Variants in FAM234B observed in about 807,000 individuals in gnomAD.
The protein encoded by FAM234B is protein FAM234B.
In FAM234B, 33 loss-of-function variants were observed where a neutral mutation model predicts 69.3. That is an observed-to-expected ratio of 0.48 (90% CI 0.36 to 0.64). The LOEUF is 0.64. Ranked by LOEUF, FAM234B falls within the 30% of genes least tolerant of loss-of-function variation. FAM234B has a pLI of 0.00. For synonymous variants in FAM234B, 306 were observed against 306.9 expected (o/e 1.00, Z 0.03); for missense variants, 697 against 769.7 (o/e 0.91, Z 1.12).
intron 1 of FAM234B, among the ~76,000 whole-genome samples, chr12:13,049,186 G>T (rs561840253): frequency 6.6e-6 from 1 of 152,178 alleles, no homozygotes; most frequent in Non-Finnish European, 1.5e-5. Flanking sequence ...ACTGAGATAA[G>T]AATTTTTTTT....
chr12:13,078,050 G>A (rs1171328041), intron 11 of FAM234B, among the ~76,000 whole-genome samples: 4 of 150,756 alleles, frequency 2.7e-5, no homozygotes, highest in Admixed American at 2.0e-4. Context: ...TGTGTTTTTT[G>A]GCTGCATAAA....
chr12:13,058,222 C>G (rs1394829910), intron 2 of FAM234B, among the ~76,000 whole-genome samples: 1 of 152,176 alleles, frequency 6.6e-6, no homozygotes, highest in African/African-American at 2.4e-5. Flanking sequence ...CTTGCAGTCC[C>G]TAGCTGGTCT....
Position 13,080,126 on chromosome 12 carries a change from A to G in FAM234B, c.1863+117A>G, listed in dbSNP as rs143236333. ...AACTTTCTTGAGTAGATGTGTATCA[A>G]GACAGTTGTTTTGGACCAACACTGT... is the stretch of plus-strand genomic sequence containing the variant. On this transcript the variant is annotated intron_variant, in intron 12 of 12. Transcript: ENST00000197268. 42 of 719,484 alleles carry G rather than the reference A, an allele frequency of 5.8e-5. No homozygotes were observed. The East Asian group carries it at 1.1e-3, about 19-fold the overall frequency. The allele number at this position is 719,484 out of a possible 1,614,324, so 44.6% of individuals were successfully genotyped here.
chr12:13,061,366 C>T (rs551866449), intron 3 of FAM234B, among the ~76,000 whole-genome samples: 1 of 152,188 alleles, frequency 6.6e-6, no homozygotes, highest in Non-Finnish European at 1.5e-5. Flanking sequence ...GAGGCCACAG[C>T]TCTTGTCTTA....
chr12:13,052,831 T>C (rs1171640838), intron 1 of FAM234B, among the ~76,000 whole-genome samples: 1 of 152,252 alleles, frequency 6.6e-6, no homozygotes, highest in African/African-American at 2.4e-5. Context: ...TTGTTTATCA[T>C]GTCAGGTGTA....
At chr12:13,045,702 T>C (rs1027309649) in intron 1 of FAM234B, among the ~76,000 whole-genome samples, 5 of 152,216 alleles carry the variant, frequency 3.3e-5, no homozygotes, top group Non-Finnish European at 5.9e-5. Flanking sequence ...TGCATAACAC[T>C]GGAATTAAAG....
At chr12:13,061,534 T>A (rs1864982157) in intron 3 of FAM234B, 41 bp from the exon 4 acceptor site, 1 of 1,555,782 alleles carries the variant, frequency 6.4e-7, no homozygotes. Flanking sequence ...CTTATCTCCT[T>A]TGCCTGCTTT....
chr12:13,055,777 G>A lies in FAM234B; in HGVS notation c.264G>A (p.Gly88=). ...TTEGYPSEPL[G]GLEQKAASSL... ...AGGGCTACCCCTCAGAACCCCTTGG[G>A]GGCCTGGAACAGAAGGCGGCCTCCT... The change falls in exon 2 of 13, where the codon GGG becomes GGA. Residue 88 remains glycine, a synonymous_variant. Transcript: ENST00000197268. The A allele has an allele frequency of 6.2e-7, 1 of 1,614,184 alleles. No homozygotes were observed. The highest frequency in any genetic ancestry group is 2.2e-5 in the East Asian group (1 of 44,876).
chr12:13,058,411 A>G (rs767539675), intron 2 of FAM234B, 40 bp from the exon 3 acceptor site: 215 of 1,549,396 alleles, frequency 1.4e-4, no homozygotes, highest in Non-Finnish European at 1.7e-4. Flanking sequence ...GTTTGTGGTA[A>G]CTTGCTCAGG....
Position 13,080,743 on chromosome 12 carries a change from A to G in FAM234B, c.*113A>G, listed in dbSNP as rs1447158984. ...GAAGACTTCTTCGTCCTCATTTACC[A>G]CCTCCCTGATGGTTGCAAAGGCTTG... On this transcript the variant is annotated 3_prime_UTR_variant, in exon 13 of 13. Coordinates refer to ENST00000197268, the MANE Select transcript of FAM234B (RefSeq NM_020853.2). The G allele has an allele frequency of 6.8e-6, 6 of 885,396 alleles. No homozygotes were observed. The highest frequency in any genetic ancestry group is 3.4e-5 in the African/African-American group (2 of 58,830). The allele number at this position is 885,396 out of a possible 1,614,324, so 54.8% of individuals were successfully genotyped here.
chr12:13,074,548 G>T (rs1229345225), intron 10 of FAM234B, among the ~76,000 whole-genome samples: 1 of 152,188 alleles, frequency 6.6e-6, no homozygotes, highest in Non-Finnish European at 1.5e-5. Context: ...CATGGATTGA[G>T]GGTGATGATC....
intron 1 of FAM234B, among the ~76,000 whole-genome samples, chr12:13,046,314 A>G (rs1463623): frequency 0.73 from 110,152 of 151,686 alleles, 41,776 homozygotes; most frequent in Non-Finnish European, 0.86. Context: ...TACTATTTTT[A>G]GTTTTTGCAT....
chr12:13,056,800 C>T (rs1185105954), intron 2 of FAM234B, among the ~76,000 whole-genome samples: 1 of 152,166 alleles, frequency 6.6e-6, no homozygotes, highest in Admixed American at 6.5e-5. Context: ...TTGTGTGTCC[C>T]TCCTGACCAC....
chr12:13,055,625 GTGCTTAACC>G lies in FAM234B; in HGVS notation c.116_124del (p.Leu39_Leu41del). 6.2e-7 allele frequency: 1 copy of G among 1,614,202 alleles called. No homozygotes were observed. Among genetic ancestry groups the G allele is most frequent in the Non-Finnish European group, 8.5e-7 (1 of 1,180,024 alleles). ...CAGTGATGAGAGCGAAGACGATCTG[GTGCTTAACC>G]TGCAGAAGAATGGAGGGGTCAAAAA... On this transcript the variant is annotated inframe_deletion, in exon 2 of 13. Coordinates refer to ENST00000197268, the MANE Select transcript of FAM234B (RefSeq NM_020853.2).
Position 13,066,697 on chromosome 12 carries a change from G to A in FAM234B, c.910G>A (p.Val304Met). Residue 304 changes from valine (V) to methionine (M), a missense_variant, in exon 6 of 13, where the codon GTG (valine) becomes ATG (methionine). Around this residue, in one of 3 missense-constraint regions of FAM234B, gnomAD observed 380 missense variants for 447.1 expected, o/e 0.85. Coordinates refer to ENST00000197268, the MANE Select transcript of FAM234B (RefSeq NM_020853.2). Reference sequence around the variant, plus strand: ...GACCGGAAATCCAGTGGGTCGACCTGTGAAGTACAACATCGTTGGAGTTGG... The same window carrying A: ...GACCGGAAATCCAGTGGGTCGACCTATGAAGTACAACATCGTTGGAGTTGG... The part of the protein sequence containing the change: ...GRTGNPVGRP[V>M]KYNIVGVGNL... 1 of 1,614,078 alleles carries A rather than the reference G, an allele frequency of 6.2e-7. No individual in the cohort carries two copies. Among genetic ancestry groups the A allele is most frequent in the Non-Finnish European group, 8.5e-7 (1 of 1,179,976 alleles).
intron 2 of FAM234B, among the ~76,000 whole-genome samples, chr12:13,056,423 C>T (rs1213937778): frequency 6.6e-6 from 1 of 152,188 alleles, no homozygotes; most frequent in Non-Finnish European, 1.5e-5. Flanking sequence ...TCTTGCTCCT[C>T]ATGGTTAGGG....
chr12:13,068,357 A>C lies in FAM234B; in HGVS notation c.1196A>C (p.Asn399Thr). The C allele has an allele frequency of 6.2e-7, 1 of 1,614,172 alleles. No homozygotes were observed. The highest frequency in any genetic ancestry group is 8.5e-7 in the Non-Finnish European group (1 of 1,180,014). ...AAGGCACCAGATTCCAACTGCAGCA[A>C]CCTTCTGATTACAACCAGACAAAGC... Reference protein sequence around the residue: ...MVKAPDSNCSNLLITTRQSLV... With the variant: ...MVKAPDSNCSTLLITTRQSLV... The change falls in exon 8 of 13, where the codon AAC (asparagine) becomes ACC (threonine). Residue 399 changes from asparagine to threonine, a missense_variant. Asn to Thr is a moderately conservative substitution (Grantham distance 65). Transcript: ENST00000197268.
At chr12:13,069,569 C>T (rs1052998311) in intron 9 of FAM234B, among the ~76,000 whole-genome samples, 2 of 152,084 alleles carry the variant, frequency 1.3e-5, no homozygotes, top group Admixed American at 6.5e-5. Context: ...CACAGGGGTC[C>T]ACCGGGAACA....
chr12:13,082,517 CT>C lies in FAM234B; in HGVS notation c.*1890del, dbSNP rs1050334385. 6.6e-6 allele frequency: 1 copy of C among 152,146 alleles called. No individual in the cohort carries two copies. Among genetic ancestry groups the C allele is most frequent in the Admixed American group, 6.5e-5 (1 of 15,276 alleles). 9.4% of individuals were successfully genotyped at this position (152,146 alleles called of 1,614,324 possible). A position where few individuals can be genotyped will look rare whatever the true frequency, so the allele number is the denominator to read the frequency against. On this transcript the variant is annotated 3_prime_UTR_variant, in exon 13 of 13. Transcript: ENST00000197268. ...GAAGTCATCTGTGGGTCCAGCTTGA[CT>C]TTGGAGGAATAAGAAGATACTTCTA...
Sources: allele counts gnomAD v4.1 joint callset (sites outside exome capture counted in the v4.1 genomes callset), GRCh38; gene constraint gnomAD v4.1.1; regional missense constraint gnomAD v4.1.1; transcripts MANE v1.5; gene names NCBI Gene and HGNC (gene_info 2026-07-23, HGNC 2026-07-21).